Variants in CDH10 observed in about 807,000 individuals in gnomAD.
The protein encoded by CDH10 is cadherin-10.
In CDH10, 30 loss-of-function variants were observed where a neutral mutation model predicts 73.1. The observed-to-expected ratio is 0.41, with a 90% CI of 0.31 to 0.56. The LOEUF (loss-of-function observed/expected upper bound fraction) is 0.56. Ranked by LOEUF, CDH10 falls within the 20% of genes least tolerant of loss-of-function variation. The pLI, the probability that CDH10 is intolerant of heterozygous loss-of-function variation, is 0.27. For synonymous variants in CDH10, 345 were observed against 348.2 expected (o/e 0.99, Z 0.10); for missense variants, 815 against 973.7 (o/e 0.84, Z 2.17).
chr5:24,527,832 T>C (rs2111844058), intron 5 of CDH10, among the ~76,000 whole-genome samples: 1 of 151,718 alleles, frequency 6.6e-6, no homozygotes, highest in Non-Finnish European at 1.5e-5. Flanking sequence ...AAAGAGAAAC[T>C]GAAATGAAAA....
intron 1 of CDH10, among the ~76,000 whole-genome samples, chr5:24,634,719 T>C (rs1187284970): frequency 6.6e-6 from 1 of 151,784 alleles, no homozygotes; most frequent in African/African-American, 2.4e-5. Context: ...CTATTATAGC[T>C]TACCTCATCT....
At chr5:24,542,430 T>C (rs901125790) in intron 2 of CDH10, among the ~76,000 whole-genome samples, 2 of 152,276 alleles carry the variant, frequency 1.3e-5, no homozygotes, top group South Asian at 4.1e-4. Context: ...TGTTTAGATA[T>C]ACGAAGACTT....
intron 5 of CDH10, among the ~76,000 whole-genome samples, chr5:24,530,710 T>C (rs1005311336): frequency 2.2e-4 from 34 of 152,148 alleles, no homozygotes; most frequent in Middle Eastern, 3.4e-3. Context: ...CATTTTAATA[T>C]TTAGAGCCCA....
Position 24,527,392 on chromosome 5 carries a change from A to G in CDH10, c.814+7720T>C, listed in dbSNP as rs563253328. On this transcript the variant is annotated intron_variant, in intron 5 of 11. Transcript: ENST00000264463. The stretch of plus-strand genomic sequence containing the variant: ...ACACAAAACATAAACATGTACACAC[A>G]TATTATATATATTTATATTTATACA... Among the ~76,000 whole-genome samples the G allele has an allele frequency of 7.0e-3, 1,043 of 149,866 alleles. 18 individuals carry two copies. Among genetic ancestry groups the G allele is most frequent in the African/African-American group, 0.024 (981 of 41,154 alleles).
intron 1 of CDH10, among the ~76,000 whole-genome samples, chr5:24,606,408 C>T (rs1368069123): frequency 2.0e-5 from 3 of 152,104 alleles, no homozygotes; most frequent in South Asian, 2.1e-4. Context: ...GTCAGGAGTT[C>T]GAGACCAGCT....
At chr5:24,489,767 A>C (rs951428405) in intron 11 of CDH10, among the ~76,000 whole-genome samples, 7 of 152,112 alleles carry the variant, frequency 4.6e-5, no homozygotes, top group African/African-American at 1.4e-4. Flanking sequence ...CTATAAAATG[A>C]ATTATCATTG....
chr5:24,490,167 T>A (rs1341542167), intron 11 of CDH10, among the ~76,000 whole-genome samples: 4 of 152,124 alleles, frequency 2.6e-5, no homozygotes, highest in Non-Finnish European at 5.9e-5. Flanking sequence ...ATTACATATT[T>A]TAATAGAACA....
Position 24,487,387 on chromosome 5 carries a change from G to T in CDH10, c.*276C>A, listed in dbSNP as rs941714181. ...AGGTTGCTTAAGGGAGAACTATCCTGTTCATGTTTCTGAAATTATCTTTTA... is the reference window on the plus strand; with the variant it reads ...AGGTTGCTTAAGGGAGAACTATCCTTTTCATGTTTCTGAAATTATCTTTTA... On this transcript the variant is annotated 3_prime_UTR_variant, in exon 12 of 12. Coordinates refer to ENST00000264463, the MANE Select transcript of CDH10 (RefSeq NM_006727.5). The T allele has an allele frequency of 2.9e-6, 1 of 343,838 alleles. No homozygotes were observed. The highest frequency in any genetic ancestry group is 5.4e-6 in the Non-Finnish European group (1 of 186,906). 21.3% of individuals were successfully genotyped at this position (343,838 alleles called of 1,614,324 possible). A position where few individuals can be genotyped will look rare whatever the true frequency, so the allele number is the denominator to read the frequency against.
At chr5:24,588,798 T>C (rs1746102183) in intron 2 of CDH10, among the ~76,000 whole-genome samples, 1 of 152,206 alleles carries the variant, frequency 6.6e-6, no homozygotes, top group Non-Finnish European at 1.5e-5. Flanking sequence ...TATAATTTCC[T>C]TATGAGGTAT....
At chr5:24,573,231 T>G (rs1745463552) in intron 2 of CDH10, among the ~76,000 whole-genome samples, 1 of 151,870 alleles carries the variant, frequency 6.6e-6, no homozygotes, top group South Asian at 2.1e-4. Flanking sequence ...GACATGATTG[T>G]AAACAGTTAA....
At chr5:24,626,837 T>C (rs867237184) in intron 1 of CDH10, among the ~76,000 whole-genome samples, 1 of 147,536 alleles carries the variant, frequency 6.8e-6, no homozygotes, top group Middle Eastern at 3.5e-3. Flanking sequence ...TATATATAAG[T>C]GTATATATAT....
chr5:24,539,182 T>C (rs1744066798), intron 2 of CDH10, among the ~76,000 whole-genome samples: 1 of 151,976 alleles, frequency 6.6e-6, no homozygotes, highest in African/African-American at 2.4e-5. Flanking sequence ...TAATCTTCAA[T>C]TATATGAAAA....
chr5:24,490,864 G>A (rs904192611), intron 11 of CDH10, among the ~76,000 whole-genome samples: 1 of 152,178 alleles, frequency 6.6e-6, no homozygotes, highest in African/African-American at 2.4e-5. Context: ...GTGCTCATAT[G>A]TCAAGTTTTT....
chr5:24,587,881 T>C (rs1049580459), intron 2 of CDH10, among the ~76,000 whole-genome samples: 1 of 152,198 alleles, frequency 6.6e-6, no homozygotes, highest in Non-Finnish European at 1.5e-5. Context: ...GTATTTTCCC[T>C]ACATAACTGC....
In CDH10 at chr5:24,593,559, T is replaced by G. The variant is rs571996991; in HGVS notation, c.-69A>C. ...TCCTATTTTACCCAGTTGGTTTTACTGTGTTTCAACTGGTTTCCAACATTT... is the reference window on the plus strand; with the variant it reads ...TCCTATTTTACCCAGTTGGTTTTACGGTGTTTCAACTGGTTTCCAACATTT... On this transcript the variant is annotated 5_prime_UTR_variant, in exon 2 of 12. Coordinates refer to ENST00000264463, the MANE Select transcript of CDH10 (RefSeq NM_006727.5). 69 of 843,710 alleles carry G rather than the reference T, an allele frequency of 8.2e-5. 1 individual carries two copies. The East Asian group carries it at 1.7e-3, about 21-fold the overall frequency. The allele number at this position is 843,710 out of a possible 1,614,324, so 52.3% of individuals were successfully genotyped here. A position where few individuals can be genotyped will look rare whatever the true frequency, so the allele number is the denominator to read the frequency against.
At chr5:24,494,845 C>T (rs898952510) in intron 9 of CDH10, among the ~76,000 whole-genome samples, 4 of 151,998 alleles carry the variant, frequency 2.6e-5, no homozygotes, top group African/African-American at 9.7e-5. Flanking sequence ...ATGACACAAA[C>T]AAAATAGAAT....
intron 2 of CDH10, among the ~76,000 whole-genome samples, chr5:24,556,992 C>A (rs915813654): frequency 6.6e-6 from 1 of 151,364 alleles, no homozygotes; most frequent in African/African-American, 2.4e-5. Context: ...TAAAAAAGTA[C>A]AGAAAGAAAA....
chr5:24,533,256 G>C (rs1418843679), intron 5 of CDH10, among the ~76,000 whole-genome samples: 1 of 151,828 alleles, frequency 6.6e-6, no homozygotes, highest in East Asian at 1.9e-4. Context: ...GAACCCGGGA[G>C]GTGGAGGTTG....
rs1741881961 is a variant in CDH10 at position 24,487,481 on chromosome 5, A to G, written c.*182T>C. ...TGGAAGTGATTAAATAAAATGTCATATATATTCCATGAGACATCCTACAGG... is the reference window on the plus strand; with the variant it reads ...TGGAAGTGATTAAATAAAATGTCATGTATATTCCATGAGACATCCTACAGG... On this transcript the variant is annotated 3_prime_UTR_variant, in exon 12 of 12. Transcript: ENST00000264463. 7 of 587,924 alleles carry G rather than the reference A, an allele frequency of 1.2e-5. No individual in the cohort carries two copies. Among genetic ancestry groups the G allele is most frequent in the African/African-American group, 1.9e-5 (1 of 53,558 alleles). 36.4% of individuals were successfully genotyped at this position (587,924 alleles called of 1,614,324 possible).
Sources: gnomAD v4.1 joint callset for allele counts (sites outside exome capture counted in the v4.1 genomes callset) on GRCh38, gnomAD v4.1.1 for gene constraint, MANE v1.5 for transcripts, NCBI Gene and HGNC (gene_info 2026-07-23, HGNC 2026-07-21) for gene names.